TTLL13: variants seen among roughly 807,000 people sequenced by gnomAD.
The protein encoded by TTLL13 is tubulin tyrosine ligase like 13, also known as tubulin polyglutamylase TTLL13.
chr15:90,263,911 G>A, the TTLL13 span: 2 of 1,367,244 alleles, frequency 1.5e-6, no homozygotes, highest in Non-Finnish European at 2.0e-6. Context: ...AAGCATGAAT[G>A]CTGCAATCCC....
the TTLL13 span, chr15:90,255,710 A>G: frequency 1.2e-6 from 2 of 1,613,582 alleles, no homozygotes; most frequent in Non-Finnish European, 1.7e-6. Context: ...GGTGCTAGGA[A>G]ATGCCACTTA....
At chr15:90,255,936 C>G in the TTLL13 span, 1 of 1,612,544 alleles carries the variant, frequency 6.2e-7, no homozygotes, top group Non-Finnish European at 8.5e-7. Context: ...GGAAAAGGGT[C>G]GCTCTCAGAG....
At chr15:90,257,404 C>A in the TTLL13 span, 2 of 1,381,002 alleles carry the variant, frequency 1.4e-6, no homozygotes, top group Non-Finnish European at 1.9e-6. Flanking sequence ...GCAAGAGCTG[C>A]AGCATCTAGC....
At chr15:90,260,675 AC>A in the TTLL13 span, among the ~76,000 whole-genome samples, 2 of 151,644 alleles carry the variant, frequency 1.3e-5, no homozygotes, top group Non-Finnish European at 2.9e-5. Flanking sequence ...ACATGGTGAA[AC>A]CCCATCTCTA....
At chr15:90,251,015 G>A in the TTLL13 span, 13 of 1,260,138 alleles carry the variant, frequency 1.0e-5, no homozygotes, top group South Asian at 5.9e-5. Flanking sequence ...AGGAAATGCT[G>A]GAGTGTCATT....
the TTLL13 span, chr15:90,253,425 C>T: frequency 5.3e-6 from 7 of 1,327,830 alleles, no homozygotes; most frequent in East Asian, 2.4e-5. Flanking sequence ...TGACTATTCC[C>T]ACCTCCTTGC....
chr15:90,256,254 T>C, the TTLL13 span: 16 of 1,613,950 alleles, frequency 9.9e-6, no homozygotes, highest in African/African-American at 1.3e-5. Flanking sequence ...CCCCGGGAGA[T>C]CAAGCCAGGA....
At chr15:90,255,743 G>T in the TTLL13 span, 6 of 1,613,990 alleles carry the variant, frequency 3.7e-6, no homozygotes, top group Admixed American at 1.7e-5. Context: ...ATACTAACTG[G>T]CTGTGTTTCA....
At chr15:90,257,078 C>T in the TTLL13 span, 1 of 1,507,540 alleles carries the variant, frequency 6.6e-7, no homozygotes, top group African/African-American at 1.4e-5. Flanking sequence ...GCACTTAGAA[C>T]AGCACATAGT....
the TTLL13 span, among the ~76,000 whole-genome samples, chr15:90,261,026 C>A: frequency 6.6e-6 from 1 of 151,500 alleles, no homozygotes; most frequent in African/African-American, 2.4e-5. Context: ...GCTTTATCTT[C>A]TTTCTGCTCT....
At chr15:90,261,653 G>C in the TTLL13 span, among the ~76,000 whole-genome samples, 3 of 152,050 alleles carry the variant, frequency 2.0e-5, no homozygotes, top group African/African-American at 7.2e-5. Context: ...GGTGGTGCAT[G>C]CCTGTAATCC....
chr15:90,251,414 G>A, the TTLL13 span: 141 of 848,290 alleles, frequency 1.7e-4, no homozygotes, highest in African/African-American at 1.4e-3. Context: ...ATGAGCCACC[G>A]CGCCCAGCCC....
At chr15:90,260,939 G>C in the TTLL13 span, among the ~76,000 whole-genome samples, 2 of 151,948 alleles carry the variant, frequency 1.3e-5, no homozygotes, top group Non-Finnish European at 2.9e-5. Context: ...GGCAGAGCCA[G>C]GATTCAAAGT....
At chr15:90,249,920 G>C in the TTLL13 span, 2 of 152,054 alleles carry the variant, frequency 1.3e-5, no homozygotes, top group African/African-American at 4.8e-5. Context: ...CCAGCGTAGG[G>C]GGCTTTTGGT....
chr15:90,253,585 C>G, the TTLL13 span, among the ~76,000 whole-genome samples: 1 of 152,186 alleles, frequency 6.6e-6, no homozygotes, highest in African/African-American at 2.4e-5. Flanking sequence ...GTGGGCACAT[C>G]CTATCTCATG....
chr15:90,264,657 G>C, the TTLL13 span: 1 of 1,507,068 alleles, frequency 6.6e-7, no homozygotes, highest in Non-Finnish European at 8.8e-7. Flanking sequence ...CCACAGTTGG[G>C]AAAGAGGTGA....
the TTLL13 span, chr15:90,257,509 G>A: frequency 9.9e-7 from 1 of 1,010,334 alleles, no homozygotes; most frequent in Non-Finnish European, 1.5e-6. Flanking sequence ...TAGAATAGCA[G>A]TCCTCTGGTG....
the TTLL13 span, chr15:90,250,536 C>A: frequency 6.9e-7 from 1 of 1,454,502 alleles, no homozygotes; most frequent in Non-Finnish European, 9.3e-7. Flanking sequence ...GAAGGTCGTT[C>A]TGGTGGATTC....
the TTLL13 span, chr15:90,257,796 C>T: frequency 2.0e-6 from 3 of 1,468,584 alleles, no homozygotes; most frequent in South Asian, 3.5e-5. Flanking sequence ...TGAAACCAAG[C>T]TGGCTCTTGG....
Sources: gnomAD v4.1 joint callset for allele counts (sites outside exome capture counted in the v4.1 genomes callset) on GRCh38, gnomAD v4.1.1 for gene constraint, MANE v1.5 for transcripts, NCBI Gene and HGNC (gene_info 2026-07-23, HGNC 2026-07-21) for gene names.